DHX40: variants seen among roughly 807,000 people sequenced by gnomAD.
DHX40 encodes the protein DEAH-box helicase 40, also known as probable ATP-dependent RNA helicase DHX40.
DHX40 carries 28 observed loss-of-function variants against 89.6 expected under a neutral mutation model. The observed-to-expected ratio is 0.31, with a 90% CI of 0.23 to 0.43. The LOEUF is 0.43. DHX40 is among the 20% of genes least tolerant of loss of function. The pLI is 1.00. For synonymous variants in DHX40, 226 were observed against 283.6 expected (o/e 0.80, Z 2.04); for missense variants, 457 against 844.0 (o/e 0.54, Z 5.68).
chr17:59,576,909 G>A (rs559927118), intron 7 of DHX40, among the ~76,000 whole-genome samples: 21 of 148,028 alleles, frequency 1.4e-4, no homozygotes, highest in African/African-American at 3.3e-4. Context: ...TCGCTCTGTC[G>A]CCCAGGCTGG....
chr17:59,587,014 G>A (rs1013251826), intron 11 of DHX40, among the ~76,000 whole-genome samples: 2 of 152,064 alleles, frequency 1.3e-5, no homozygotes. Context: ...TTAGCCGATG[G>A]TGTTGGCACA....
chr17:59,570,713 C>A, intron 3 of DHX40, 50 bp downstream of exon 3: 1 of 1,551,210 alleles, frequency 6.4e-7, no homozygotes, highest in South Asian at 1.2e-5. Context: ...GGGACAGGGT[C>A]TTGCTCTGTC....
chr17:59,585,306 A>C (rs1313836385), intron 10 of DHX40, among the ~76,000 whole-genome samples: 3 of 131,194 alleles, frequency 2.3e-5, no homozygotes, highest in Non-Finnish European at 4.8e-5. Flanking sequence ...AGGCTGAGGC[A>C]GGAGAATCAC....
chr17:59,570,124 AT>A (rs1326916984), intron 2 of DHX40, among the ~76,000 whole-genome samples: 2 of 130,544 alleles, frequency 1.5e-5, no homozygotes, highest in Non-Finnish European at 3.1e-5. Context: ...TATAATGTAT[AT>A]TTATATATAA....
Position 59,588,219 on chromosome 17 carries a change from TAAAAA to T in DHX40, c.1582+184_1582+188del, listed in dbSNP as rs1169868073. 1.0e-4 allele frequency among the ~76,000 whole-genome samples: 7 copies of T among 67,808 alleles called. No homozygotes were observed. In the East Asian group the frequency reaches 1.1e-3, roughly 11 times the overall value. The allele number at this position is 67,808 out of a possible 152,430, so 44.5% of individuals were successfully genotyped here. A position where few individuals can be genotyped will look rare whatever the true frequency, so the allele number is the denominator to read the frequency against. ...CAACATGGTAAAACCCCATCTCTAC[TAAAAA>T]AAAAAAAAAAAAAAAAACCAAAAAC... On this transcript the variant is annotated intron_variant, in intron 12 of 17. Coordinates refer to ENST00000251241, the MANE Select transcript of DHX40 (RefSeq NM_024612.5).
rs1001466062 is a variant in DHX40, at chr17:59,607,022, A to G, written c.2201-11A>G. ...GCTAAGTTTTATTGGATTAATTTGT[A>G]ATGTTTTCAGATGGAATATCGAAAG... On this transcript the variant is annotated splice_polypyrimidine_tract_variant and intron_variant, in intron 17 of 17. Coordinates refer to ENST00000251241, the MANE Select transcript of DHX40 (RefSeq NM_024612.5). 11 of 1,607,542 alleles carry G rather than the reference A, an allele frequency of 6.8e-6. No individual in the cohort carries two copies. The African/African-American group carries it at 1.1e-4, about 16-fold the overall frequency.
chr17:59,587,522 C>G (rs2143288149), intron 11 of DHX40, among the ~76,000 whole-genome samples: 1 of 150,102 alleles, frequency 6.7e-6, no homozygotes. Flanking sequence ...CCCTCAGCCT[C>G]CTTAGTAGCT....
intron 2 of DHX40, 73 bp from the exon 3 acceptor site, chr17:59,570,445 C>T: frequency 6.8e-7 from 1 of 1,465,738 alleles, no homozygotes; most frequent in Non-Finnish European, 9.1e-7. Flanking sequence ...TGTTGATTGG[C>T]CAAAAACAAT....
At chr17:59,568,653 GTC>G (rs796217301) in intron 2 of DHX40, among the ~76,000 whole-genome samples, 229 of 152,116 alleles carry the variant, frequency 1.5e-3, no homozygotes, top group African/African-American at 5.2e-3. Flanking sequence ...TGTAAATGTG[GTC>G]TCTCTCTGTC....
intron 15 of DHX40, 22 bp from the exon 16 acceptor site, chr17:59,605,093 C>G: frequency 6.2e-7 from 1 of 1,608,972 alleles, no homozygotes; most frequent in Non-Finnish European, 8.5e-7. Flanking sequence ...TAGTCTTTAT[C>G]ATTTTGTTTT....
chr17:59,577,394 C>T, intron 8 of DHX40, 29 bp downstream of exon 8: 1 of 1,577,058 alleles, frequency 6.3e-7, no homozygotes, highest in Non-Finnish European at 8.7e-7. Flanking sequence ...CTCTTAAAGT[C>T]AAGGAAGCCT....
chr17:59,579,800 GTGA>G lies in DHX40; in HGVS notation c.1266_1268del (p.Ile423del), dbSNP rs1263905678. On this transcript the variant is annotated inframe_deletion, in exon 10 of 18. Transcript: ENST00000251241. ...TTGGAACCAGTGTATGCCTGACCAT[GTGA>G]TCCCTGAAATTAAGAGAACTAGTTT... 4 of 255,716 alleles carry G rather than the reference GTGA, an allele frequency of 1.6e-5. No homozygotes were observed. Among genetic ancestry groups the G allele is most frequent in the Non-Finnish European group, 2.3e-5 (4 of 172,744 alleles). The allele number at this position is 255,716 out of a possible 1,614,324, so 15.8% of individuals were successfully genotyped here.
rs374800359 is a variant in DHX40 at position 59,565,723 on chromosome 17, G to A, written c.52G>A (p.Gly18Ser). 6.2e-7 allele frequency: 1 copy of A among 1,605,016 alleles called. No individual in the cohort carries two copies. The highest frequency in any genetic ancestry group is 8.5e-7 in the Non-Finnish European group (1 of 1,179,744). Reference protein sequence around the residue: ...AGRAPRRQEEGERSRDLQEER... With the variant: ...AGRAPRRQEESERSRDLQEER... ...CAGGGCGCCAAGGCGGCAGGAGGAG[G>A]GTGAGCGGTCAAGAGACCTCCAGGA... Residue 18 changes from glycine to serine, a missense_variant, in exon 1 of 18, where the codon GGT becomes AGT. Gly to Ser is a moderately conservative substitution (Grantham distance 56). Coordinates refer to ENST00000251241, the MANE Select transcript of DHX40 (RefSeq NM_024612.5).
chr17:59,569,709 A>G (rs1233838778), intron 2 of DHX40, among the ~76,000 whole-genome samples: 2 of 140,704 alleles, frequency 1.4e-5, no homozygotes, highest in Non-Finnish European at 1.5e-5. Context: ...ATATATATAT[A>G]TCTATATATA....
intron 2 of DHX40, among the ~76,000 whole-genome samples, chr17:59,568,018 A>T (rs2143188450): frequency 6.6e-6 from 1 of 152,122 alleles, no homozygotes; most frequent in African/African-American, 2.4e-5. Context: ...GTGGATCATG[A>T]GGTCAGCAGT....
intron 11 of DHX40, among the ~76,000 whole-genome samples, chr17:59,587,073 A>C (rs2049008621): frequency 6.6e-6 from 1 of 151,066 alleles, no homozygotes. Context: ...GGATCGTCTG[A>C]GCTTCGGAGG....
Position 59,605,640 on chromosome 17 carries a change from A to T in DHX40, c.2166A>T (p.Arg722Ser), listed in dbSNP as rs879331825. Residue 722 changes from arginine (R) to serine (S), a missense_variant, in exon 17 of 18, where the codon AGA becomes AGT. By Grantham distance (110) the Arg-to-Ser change is moderately radical. This residue lies in a region of DHX40 where 120 missense variants were observed against 161.7 expected (regional missense o/e 0.74). Transcript: ENST00000251241. Reference sequence around the variant, plus strand: ...AAGTGAGAGAAGATGCAAGAAGGAGATGGACAAATAAGGAAAATGTAAAGC... The same window carrying T: ...AAGTGAGAGAAGATGCAAGAAGGAGTTGGACAAATAAGGAAAATGTAAAGC... Reference protein sequence around the residue: ...RREVREDARRRWTNKENVKQL... With the variant: ...RREVREDARRSWTNKENVKQL... The T allele has an allele frequency of 6.2e-7, 1 of 1,613,682 alleles. No homozygotes were observed. The highest frequency in any genetic ancestry group is 1.3e-5 in the African/African-American group (1 of 75,004).
rs746297728 is a variant in DHX40, at chr17:59,574,182, C to T, written c.775-6C>T. ...TAGCATATTATGCCTGCATTTCTTG[C>T]TTTAGATTGTGAAAGTCACCATGGA... On this transcript the variant is annotated splice_polypyrimidine_tract_variant and splice_region_variant and intron_variant, in intron 5 of 17. Coordinates refer to ENST00000251241, the MANE Select transcript of DHX40 (RefSeq NM_024612.5). The T allele has an allele frequency of 1.9e-6, 1 of 524,898 alleles. No homozygotes were observed. The highest frequency in any genetic ancestry group is 3.2e-6 in the Non-Finnish European group (1 of 309,312). 32.5% of individuals were successfully genotyped at this position (524,898 alleles called of 1,614,324 possible).
chr17:59,594,091 C>T (rs1287968007), intron 12 of DHX40, among the ~76,000 whole-genome samples: 2 of 152,210 alleles, frequency 1.3e-5, no homozygotes, highest in East Asian at 1.9e-4. Flanking sequence ...CATTCCCTCT[C>T]TATTTACTTC....
Sources: gnomAD v4.1 joint callset for allele counts (sites outside exome capture counted in the v4.1 genomes callset) on GRCh38, gnomAD v4.1.1 for gene constraint, gnomAD v4.1.1 regional missense constraint, MANE v1.5 for transcripts, NCBI Gene and HGNC (gene_info 2026-07-23, HGNC 2026-07-21) for gene names.